Variants in CEMIP observed in about 807,000 individuals in gnomAD.
CEMIP encodes the protein cell migration-inducing and hyaluronan-binding protein.
A neutral mutation model predicts 156.9 loss-of-function variants in CEMIP; 105 were observed. The observed-to-expected ratio is 0.67, with a 90% CI of 0.57 to 0.79. The LOEUF is 0.79. CEMIP is among the 30% of genes least tolerant of loss of function. CEMIP has a pLI of 0.00. For missense variants in CEMIP, 1,457 were observed against 1,769.4 expected, an observed-to-expected ratio of 0.82 and a Z score of 3.17; for synonymous variants, 676 against 668.4, an observed-to-expected ratio of 1.01 and a Z score of -0.17.
chr15:80,888,754 G>A lies in CEMIP; in HGVS notation c.922G>A (p.Gly308Ser). 6.2e-7 allele frequency: 1 copy of A among 1,614,164 alleles called. No homozygotes were observed. Among genetic ancestry groups the A allele is most frequent in the East Asian group, 2.2e-5 (1 of 44,894 alleles). Reference sequence around the variant, plus strand: ...ATTCAAATTGTTCCAGACAGAGCATGGCGAATATTTCAATGTTTCTTTGTC... The same window carrying A: ...ATTCAAATTGTTCCAGACAGAGCATAGCGAATATTTCAATGTTTCTTTGTC... ...RVFKLFQTEHGEYFNVSLSSE... is the reference protein window; with the variant it reads ...RVFKLFQTEHSEYFNVSLSSE... The change falls in exon 9 of 30, where the codon GGC (glycine) becomes AGC (serine). Residue 308 changes from glycine to serine, a missense_variant. Transcript: ENST00000394685.
At chr15:80,884,902 CT>C (rs1898783779) in intron 7 of CEMIP, among the ~76,000 whole-genome samples, 1 of 152,120 alleles carries the variant, frequency 6.6e-6, no homozygotes, top group African/African-American at 2.4e-5. Context: ...TAAACAATGC[CT>C]TTTTTAAAAA....
chr15:80,886,153 T>C (rs966328885), intron 7 of CEMIP, among the ~76,000 whole-genome samples: 1 of 152,020 alleles, frequency 6.6e-6, no homozygotes, highest in Non-Finnish European at 1.5e-5. Flanking sequence ...GCAAGTGTAG[T>C]TTAGTGCAGA....
intron 1 of CEMIP, among the ~76,000 whole-genome samples, chr15:80,840,157 T>TG: frequency 6.6e-6 from 1 of 152,026 alleles, no homozygotes; most frequent in Admixed American, 6.5e-5. Flanking sequence ...GCTCGGAGGG[T>TG]GGCCCCAGAA....
intron 1 of CEMIP, among the ~76,000 whole-genome samples, chr15:80,862,643 G>A (rs559242568): frequency 3.9e-5 from 6 of 152,336 alleles, no homozygotes; most frequent in Admixed American, 6.5e-5. Flanking sequence ...CTTCCAGGGC[G>A]GGCTGGACTG....
chr15:80,893,139 G>A (rs755350591), intron 10 of CEMIP, among the ~76,000 whole-genome samples: 2 of 151,988 alleles, frequency 1.3e-5, no homozygotes, highest in Admixed American at 6.6e-5. Flanking sequence ...CTGAGGTGGC[G>A]CCATTGTACT....
At chr15:80,888,173 G>T (rs1178306364) in intron 8 of CEMIP, among the ~76,000 whole-genome samples, 1 of 151,838 alleles carries the variant, frequency 6.6e-6, no homozygotes, top group Non-Finnish European at 1.5e-5. Flanking sequence ...AACCACCCTG[G>T]CCAATATGGT....
At position 80,822,017 on chromosome 15, in the gene CEMIP, A is replaced by G. The variant is rs188689643; in HGVS notation, c.-176+42403A>G. The stretch of plus-strand genomic sequence containing the variant: ...TGCTGCACCTTGAGACTGTGGTGCT[A>G]TGATTGGATCAGTTCATCCTCAAGT... On this transcript the variant is annotated intron_variant, in intron 1 of 29. Coordinates refer to ENST00000394685, the MANE Select transcript of CEMIP (RefSeq NM_001293298.2). 5.9e-5 allele frequency among the ~76,000 whole-genome samples: 9 copies of G among 152,362 alleles called. No homozygotes were observed. In the East Asian group the frequency reaches 1.7e-3, roughly 29 times the overall value.
intron 9 of CEMIP, 95 bp downstream of exon 9, chr15:80,888,891 G>A: frequency 9.1e-7 from 1 of 1,102,708 alleles, no homozygotes; most frequent in Non-Finnish European, 1.4e-6. Flanking sequence ...TCTTATACCA[G>A]TAGGACCACT....
intron 8 of CEMIP, among the ~76,000 whole-genome samples, chr15:80,888,417 A>G (rs1202998840): frequency 6.6e-6 from 1 of 152,204 alleles, no homozygotes; most frequent in Non-Finnish European, 1.5e-5. Flanking sequence ...GAAGCGCTGC[A>G]GTTCTAATGC....
intron 1 of CEMIP, among the ~76,000 whole-genome samples, chr15:80,854,159 C>T (rs1897783627): frequency 6.6e-6 from 1 of 152,270 alleles, no homozygotes; most frequent in Admixed American, 6.5e-5. Context: ...GGACCACTTT[C>T]TCTCATTTTA....
chr15:80,795,668 T>C (rs1353751532), intron 1 of CEMIP, among the ~76,000 whole-genome samples: 1 of 152,182 alleles, frequency 6.6e-6, no homozygotes, highest in Non-Finnish European at 1.5e-5. Context: ...GTGCAGTGGC[T>C]CAGACCTATA....
chr15:80,801,300 A>G (rs1166319915), intron 1 of CEMIP, among the ~76,000 whole-genome samples: 3 of 152,186 alleles, frequency 2.0e-5, no homozygotes, highest in Non-Finnish European at 2.9e-5. Context: ...TTTTGTATCT[A>G]TCGGCAGAAC....
intron 1 of CEMIP, among the ~76,000 whole-genome samples, chr15:80,785,767 T>A (rs565118381): frequency 4.3e-4 from 65 of 152,146 alleles, no homozygotes; most frequent in Non-Finnish European, 6.6e-4. Flanking sequence ...ACCCCTTACT[T>A]CCTGCAACCT....
chr15:80,947,462 C>T (rs983536608), intron 29 of CEMIP: 11 of 243,260 alleles, frequency 4.5e-5, no homozygotes, highest in Non-Finnish European at 7.4e-5. Flanking sequence ...TGATGCCTAG[C>T]GTTTGTACAG....
rs1389430340 is a variant in CEMIP at position 80,906,733 on chromosome 15, G to A, written c.1482G>A (p.Leu494=). The change falls in exon 13 of 30, where the codon CTG becomes CTA. Residue 494 remains leucine (L), a synonymous_variant. Transcript: ENST00000394685. The surrounding 1 kb of genome is among the most constrained non-coding windows in gnomAD (Gnocchi z 4.3). The stretch of plus-strand genomic sequence containing the variant: ...ACATGCGGGCGGAGGTTGGGCTTCT[G>A]AGCCGGAACATCATAGTGATGGGGG... ...GVDMRAEVGL[L]SRNIIVMGEM... 3.1e-6 allele frequency: 5 copies of A among 1,614,206 alleles called. No homozygotes were observed. Among genetic ancestry groups the A allele is most frequent in the South Asian group, 1.1e-5 (1 of 91,088 alleles).
At chr15:80,931,139 C>T (rs746252900) in intron 21 of CEMIP, among the ~76,000 whole-genome samples, 1 of 152,216 alleles carries the variant, frequency 6.6e-6, no homozygotes, top group Non-Finnish European at 1.5e-5. Flanking sequence ...GTTGCCGCTT[C>T]CCACCTCCTT....
At chr15:80,845,450 A>G (rs563006550) in intron 1 of CEMIP, among the ~76,000 whole-genome samples, 1 of 152,298 alleles carries the variant, frequency 6.6e-6, no homozygotes, top group Admixed American at 6.5e-5. Flanking sequence ...ACCCAGAAAT[A>G]TATTGAGCAA....
intron 1 of CEMIP, among the ~76,000 whole-genome samples, chr15:80,870,458 G>A (rs889440748): frequency 2.0e-5 from 3 of 152,212 alleles, no homozygotes; most frequent in African/African-American, 7.2e-5. Flanking sequence ...TGCCGTGGGA[G>A]TGCCGTTGCT....
rs77627398 is a variant in CEMIP, at chr15:80,911,877, A to G, written c.1797+2571A>G. Among the ~76,000 whole-genome samples, 833 of 147,026 alleles carry G rather than the reference A, an allele frequency of 5.7e-3. 7 individuals carry two copies. The highest frequency in any genetic ancestry group is 0.021 in the African/African-American group (807 of 38,910). On this transcript the variant is annotated intron_variant, in intron 14 of 29. Transcript: ENST00000394685. ...ACCCAGCAGGGCAGTGTTGAGAGTG[A>G]GCATCCTGGCAGGGCTGGAGGCTGG...
Sources: allele counts gnomAD v4.1 joint callset (sites outside exome capture counted in the v4.1 genomes callset), GRCh38; gene constraint gnomAD v4.1.1; non-coding constraint Gnocchi (gnomAD v3.1); transcripts MANE v1.5; gene names NCBI Gene and HGNC (gene_info 2026-07-23, HGNC 2026-07-21).